PSD3: variants seen among roughly 807,000 people sequenced by gnomAD.
PSD3 encodes the protein pleckstrin and Sec7 domain containing 3.
In PSD3, 49 loss-of-function variants were observed where a neutral mutation model predicts 105.5. That is an observed-to-expected ratio of 0.46 (90% confidence interval 0.37 to 0.59). PSD3 has a LOEUF of 0.59. PSD3 is among the 20% of genes least tolerant of loss of function. The pLI is 0.00. For synonymous variants in PSD3, 557 were observed against 457.8 expected (o/e 1.22, Z -2.77); for missense variants, 1,561 against 1,263.8 (o/e 1.24, Z -3.57).
At chr8:19,013,289 T>C (rs1827039476) in intron 1 of PSD3, among the ~76,000 whole-genome samples, 1 of 151,920 alleles carries the variant, frequency 6.6e-6, no homozygotes, top group Non-Finnish European at 1.5e-5. Context: ...CTTCTTTTGA[T>C]AGCTTTTCTC....
intron 8 of PSD3, among the ~76,000 whole-genome samples, chr8:18,774,341 A>G (rs1202610329): frequency 6.6e-6 from 1 of 152,174 alleles, no homozygotes; most frequent in Non-Finnish European, 1.5e-5. Flanking sequence ...AGAGACATCC[A>G]TCTCCCCAAA....
intron 11 of PSD3, among the ~76,000 whole-genome samples, chr8:18,627,272 G>C (rs1167177226): frequency 1.3e-5 from 2 of 151,928 alleles, no homozygotes; most frequent in African/African-American, 4.8e-5. Context: ...GTGATGCGGA[G>C]ATAAGAAAGG....
chr8:18,783,887 C>T (rs546441986), intron 8 of PSD3, among the ~76,000 whole-genome samples: 4 of 152,308 alleles, frequency 2.6e-5, no homozygotes, highest in African/African-American at 4.8e-5. Context: ...TTGCCTGCCT[C>T]GGCCTCCCAG....
intron 2 of PSD3, among the ~76,000 whole-genome samples, chr8:18,897,711 A>G (rs962461914): frequency 6.6e-6 from 1 of 152,136 alleles, no homozygotes; most frequent in African/African-American, 2.4e-5. Context: ...CCTTGCAGAG[A>G]CATTTCATTT....
chr8:18,880,203 T>TA (rs1243777272), intron 2 of PSD3, among the ~76,000 whole-genome samples: 3 of 152,256 alleles, frequency 2.0e-5, no homozygotes, highest in South Asian at 2.1e-4. Context: ...ATTATTTTTT[T>TA]AAAAAAAGAC....
At chr8:18,641,304 A>G (rs1397611688) in intron 10 of PSD3, among the ~76,000 whole-genome samples, 2 of 152,082 alleles carry the variant, frequency 1.3e-5, no homozygotes, top group Admixed American at 6.5e-5. Context: ...CCTGGGCATC[A>G]GGGCCAGCTG....
intron 14 of PSD3, among the ~76,000 whole-genome samples, chr8:18,563,660 T>A (rs1801542057): frequency 6.6e-6 from 1 of 152,188 alleles, no homozygotes; most frequent in South Asian, 2.1e-4. Flanking sequence ...ATGATTTAAT[T>A]ACTTGTTTTA....
At chr8:18,793,039 G>T (rs1279840406) in intron 8 of PSD3, among the ~76,000 whole-genome samples, 1 of 152,120 alleles carries the variant, frequency 6.6e-6, no homozygotes, top group Non-Finnish European at 1.5e-5. Flanking sequence ...CATGGATGAA[G>T]CTGGAAACTA....
At chr8:18,690,207 T>G (rs1244113401) in intron 9 of PSD3, among the ~76,000 whole-genome samples, 3 of 152,146 alleles carry the variant, frequency 2.0e-5, no homozygotes, top group African/African-American at 7.2e-5. Flanking sequence ...ACCAATAGCG[T>G]AGGAACTGGT....
At chr8:18,577,855 T>C (rs1308732764) in intron 12 of PSD3, among the ~76,000 whole-genome samples, 4 of 152,146 alleles carry the variant, frequency 2.6e-5, no homozygotes, top group Admixed American at 2.6e-4. Flanking sequence ...CTATGTTTCC[T>C]CGCTCACCTG....
chr8:18,616,624 T>TTTC (rs1269159300), intron 11 of PSD3, among the ~76,000 whole-genome samples: 3 of 30,084 alleles, frequency 1.0e-4, no homozygotes, highest in East Asian at 5.3e-4. Flanking sequence ...CTCTCTTTTC[T>TTTC]TTTCTTTTTT....
intron 1 of PSD3, among the ~76,000 whole-genome samples, chr8:18,964,790 T>C (rs1478369796): frequency 2.0e-5 from 3 of 152,176 alleles, no homozygotes; most frequent in African/African-American, 7.2e-5. Context: ...TTTACTTATT[T>C]TGAAACTCAA....
chr8:18,594,313 T>TAA (rs1554519080), intron 12 of PSD3, among the ~76,000 whole-genome samples: 1 of 4,784 alleles, frequency 2.1e-4, no homozygotes, highest in Non-Finnish European at 4.9e-4. Context: ...ATATATATTA[T>TAA]TATATATAAT....
At chr8:18,639,092 C>T (rs1807466433) in intron 10 of PSD3, among the ~76,000 whole-genome samples, 1 of 152,162 alleles carries the variant, frequency 6.6e-6, no homozygotes. Context: ...CATGGGCAGC[C>T]TACAGACAGG....
intron 9 of PSD3, among the ~76,000 whole-genome samples, chr8:18,671,066 G>C (rs1206981512): frequency 6.6e-6 from 1 of 152,172 alleles, no homozygotes; most frequent in Non-Finnish European, 1.5e-5. Flanking sequence ...GGTTTCATTT[G>C]CTGAGAAGGC....
chr8:18,944,330 G>C (rs1320056780), intron 1 of PSD3, among the ~76,000 whole-genome samples: 1 of 152,160 alleles, frequency 6.6e-6, no homozygotes, highest in East Asian at 1.9e-4. Flanking sequence ...AGCACTTTGG[G>C]AGGCCAAGGC....
intron 2 of PSD3, among the ~76,000 whole-genome samples, chr8:18,920,017 T>TAAAAAAAAAAAAAAAAAATA (rs11288084): frequency 8.7e-6 from 1 of 114,638 alleles, no homozygotes; most frequent in Non-Finnish European, 1.9e-5. Context: ...ATAAATAAAT[T>TAAAAAAAAAAAAAAAAAATA]AAAAAAAAAA....
intron 9 of PSD3, among the ~76,000 whole-genome samples, chr8:18,692,321 T>C (rs1017418647): frequency 2.0e-5 from 3 of 152,192 alleles, no homozygotes; most frequent in African/African-American, 7.2e-5. Context: ...AAACAGTAAC[T>C]GTGCCAATAC....
At chr8:18,656,053 C>G (rs1032490723) in intron 9 of PSD3, among the ~76,000 whole-genome samples, 1 of 151,952 alleles carries the variant, frequency 6.6e-6, no homozygotes, top group African/African-American at 2.4e-5. Context: ...AGTACTCATA[C>G]TTTTTTCTTT....
Sources: allele counts gnomAD v4.1 joint callset (sites outside exome capture counted in the v4.1 genomes callset), GRCh38; gene constraint gnomAD v4.1.1; transcripts MANE v1.5; gene names NCBI Gene and HGNC (gene_info 2026-07-23, HGNC 2026-07-21).